Variants in IGF1R observed in about 807,000 individuals in gnomAD.
The protein encoded by IGF1R is insulin like growth factor 1 receptor.
A neutral mutation model predicts 144.6 loss-of-function variants in IGF1R; 44 were observed. The ratio of observed to expected loss-of-function variants is 0.30; its 90% CI spans 0.24 to 0.39. The LOEUF is 0.39. Ranked by LOEUF, IGF1R falls within the 10% of genes least tolerant of loss-of-function variation. IGF1R has a pLI of 1.00. For synonymous variants in IGF1R, 795 were observed against 722.8 expected (o/e 1.10, Z -1.60); for missense variants, 1,355 against 1,833.7 (o/e 0.74, Z 4.77).
rs144722093 is a variant in IGF1R, at chr15:98,721,125, C to T, written c.640+13018C>T. ...GAGCAGACGTTACCTACTGAGGCTA[C>T]GCTCTTCGTGGTTTCTCCTTAACCA... On this transcript the variant is annotated intron_variant, in intron 2 of 20. Coordinates refer to ENST00000650285, the MANE Select transcript of IGF1R (RefSeq NM_000875.5). Among the ~76,000 whole-genome samples, 271 of 152,298 alleles carry T rather than the reference C, an allele frequency of 1.8e-3. 2 individuals are homozygous for T. Among genetic ancestry groups the T allele is most frequent in the African/African-American group, 6.2e-3 (257 of 41,566 alleles).
chr15:98,697,842 A>G (rs1028042323), intron 1 of IGF1R, among the ~76,000 whole-genome samples: 3 of 81,618 alleles, frequency 3.7e-5, no homozygotes, highest in Non-Finnish European at 2.3e-5. Flanking sequence ...GGTTCAGGCG[A>G]TTCTCATGCC....
rs547902723 is a variant in IGF1R, at chr15:98,964,034, C to T, written c.*6592C>T. On this transcript the variant is annotated 3_prime_UTR_variant, in exon 21 of 21. Transcript: ENST00000650285. ...CACACACATCCACCGGTGGAAGAGA[C>T]GCCCGGTGAAAACACCTGTCTGCTT... 17 of 232,930 alleles carry T rather than the reference C, an allele frequency of 7.3e-5. No homozygotes were observed. Among genetic ancestry groups the T allele is most frequent in the Non-Finnish European group, 1.0e-4 (12 of 117,682 alleles). The allele number at this position is 232,930 out of a possible 1,614,324, so 14.4% of individuals were successfully genotyped here.
At chr15:98,888,723 G>C (rs569533615) in intron 2 of IGF1R, among the ~76,000 whole-genome samples, 1 of 152,266 alleles carries the variant, frequency 6.6e-6, no homozygotes, top group Admixed American at 6.5e-5. Context: ...CTTCACTTTA[G>C]AGATAGCTCT....
chr15:98,717,790 G>A (rs1369387973), intron 2 of IGF1R, among the ~76,000 whole-genome samples: 1 of 152,116 alleles, frequency 6.6e-6, no homozygotes. Flanking sequence ...CTGTTTGCAT[G>A]GATAACATTA....
chr15:98,806,565 T>G (rs532007319), intron 2 of IGF1R, among the ~76,000 whole-genome samples: 2 of 152,060 alleles, frequency 1.3e-5, no homozygotes, highest in South Asian at 4.1e-4. Flanking sequence ...AAATATTAAA[T>G]AAACACTTTC....
At chr15:98,800,728 T>C (rs982905103) in intron 2 of IGF1R, among the ~76,000 whole-genome samples, 1 of 152,222 alleles carries the variant, frequency 6.6e-6, no homozygotes, top group African/African-American at 2.4e-5. Context: ...TCTGTTTCAA[T>C]TGTTTCCCTC....
intron 9 of IGF1R, 137 bp from the exon 10 acceptor site, chr15:98,916,535 T>C: frequency 1.2e-6 from 1 of 829,696 alleles, no homozygotes; most frequent in South Asian, 1.4e-5. Flanking sequence ...GTGCTGGGAT[T>C]ATAGCCTTGA....
intron 2 of IGF1R, among the ~76,000 whole-genome samples, chr15:98,834,111 A>G (rs1193001672): frequency 6.6e-6 from 1 of 152,238 alleles, no homozygotes; most frequent in Non-Finnish European, 1.5e-5. Context: ...AAATTAATCC[A>G]TTCTATTGCT....
At chr15:98,798,472 C>T (rs139460857) in intron 2 of IGF1R, among the ~76,000 whole-genome samples, 1 of 152,050 alleles carries the variant, frequency 6.6e-6, no homozygotes, top group East Asian at 1.9e-4. Flanking sequence ...CAGGACCATG[C>T]TGGCAGCTGC....
At chr15:98,820,119 G>C (rs900388828) in intron 2 of IGF1R, among the ~76,000 whole-genome samples, 1 of 152,112 alleles carries the variant, frequency 6.6e-6, no homozygotes, top group African/African-American at 2.4e-5. Context: ...TTCAGAGTGT[G>C]GTTGAAGTTC....
Position 98,707,629 on chromosome 15 carries a change from G to A in IGF1R, c.162G>A (p.Val54=). 1 of 1,614,192 alleles carries A rather than the reference G, an allele frequency of 6.2e-7. No homozygotes were observed. The highest frequency in any genetic ancestry group is 8.5e-7 in the Non-Finnish European group (1 of 1,180,012). ...QQLKRLENCT[V]IEGYLHILLI... is the part of the protein sequence containing the mutation. ...TGAAGCGCCTGGAGAACTGCACGGT[G>A]ATCGAGGGCTACCTCCACATCCTGC... Residue 54 remains valine, a synonymous_variant, in exon 2 of 21, where the codon GTG becomes GTA. Coordinates refer to ENST00000650285, the MANE Select transcript of IGF1R (RefSeq NM_000875.5). The surrounding 1 kb of genome is among the most constrained non-coding windows in gnomAD (Gnocchi z 6.7).
At chr15:98,674,977 ATTTTTTTTTTTTTT>A (rs71149408) in intron 1 of IGF1R, among the ~76,000 whole-genome samples, 8 of 98,906 alleles carry the variant, frequency 8.1e-5, no homozygotes, top group African/African-American at 3.3e-4. Context: ...GTATTTTACA[ATTTTTTTTTTTTTT>A]TTTTTTTTTT....
rs1325197629 is a variant in IGF1R at position 98,878,693 on chromosome 15, AAAC to A, written c.641-12623_641-12621del. On this transcript the variant is annotated intron_variant, in intron 2 of 20. Coordinates refer to ENST00000650285, the MANE Select transcript of IGF1R (RefSeq NM_000875.5). ...AAAAAAAAAAAAAAAAAAAAAAAAA[AAAC>A]AACAACAAAAAAAAGGCCAGGCACG... 4.1e-3 allele frequency among the ~76,000 whole-genome samples: 519 copies of A among 126,000 alleles called. 1 individual carries two copies. Among genetic ancestry groups the A allele is most frequent in the African/African-American group, 8.4e-3 (233 of 27,802 alleles). 82.7% of individuals were successfully genotyped at this position (126,000 alleles called of 152,430 possible). A position where few individuals can be genotyped will look rare whatever the true frequency, so the allele number is the denominator to read the frequency against.
intron 2 of IGF1R, among the ~76,000 whole-genome samples, chr15:98,753,040 A>T (rs1219139392): frequency 1.4e-5 from 2 of 148,108 alleles, no homozygotes; most frequent in African/African-American, 2.5e-5. Context: ...GGTTCAAGCG[A>T]TTCTCCTGCC....
rs1197859379 is a variant in IGF1R at position 98,939,201 on chromosome 15, A to C, written c.3298A>C (p.Asn1100His). The C allele has an allele frequency of 6.2e-7, 1 of 1,613,816 alleles. No individual in the cohort carries two copies. The highest frequency in any genetic ancestry group is 1.1e-5 in the South Asian group (1 of 91,068). The change falls in exon 18 of 21, where the codon AAT (asparagine) becomes CAT (histidine). Residue 1100 changes from asparagine to histidine, a missense_variant and splice_region_variant. Physicochemically the swap from Asn to His is moderately conservative, Grantham distance 68. Transcript: ENST00000650285. ...YLRSLRPEME[N>H]NPVLAPPSLS... ...GTGAATTTTTTTAAATCTCCAACAG[A>C]ATAATCCAGTCCTAGCACCTCCAAG...
chr15:98,837,231 C>G (rs961821986), intron 2 of IGF1R, among the ~76,000 whole-genome samples: 1 of 152,008 alleles, frequency 6.6e-6, no homozygotes, highest in Non-Finnish European at 1.5e-5. Flanking sequence ...TAGTGCCCCA[C>G]CAGTTTTGTT....
At chr15:98,752,926 C>A (rs1180262339) in intron 2 of IGF1R, among the ~76,000 whole-genome samples, 2 of 119,068 alleles carry the variant, frequency 1.7e-5, no homozygotes, top group African/African-American at 3.1e-5. Context: ...GCTGGAAAAT[C>A]ATACTATTTT....
Position 98,649,073 on chromosome 15 carries a change from C to T in IGF1R, c.-509C>T, listed in dbSNP as rs1044470057. ...GGGGAGCCGCTCATTCATTTTGACT[C>T]CGCGTTTCTGCCCCTCGCCGGCCTC... On this transcript the variant is annotated 5_prime_UTR_variant, in exon 1 of 21. Transcript: ENST00000650285. 22 of 219,690 alleles carry T rather than the reference C, an allele frequency of 1.0e-4. No homozygotes were observed. The highest frequency in any genetic ancestry group is 4.8e-4 in the African/African-American group (21 of 44,132). 13.6% of individuals were successfully genotyped at this position (219,690 alleles called of 1,614,324 possible). A position where few individuals can be genotyped will look rare whatever the true frequency, so the allele number is the denominator to read the frequency against.
At chr15:98,684,930 C>CTTTTTTTTTTTTTTTTTTTTTTTTTTTT in intron 1 of IGF1R, among the ~76,000 whole-genome samples, 1 of 113,440 alleles carries the variant, frequency 8.8e-6, no homozygotes, top group Non-Finnish European at 1.8e-5. Flanking sequence ...CTTCCTTTTC[C>CTTTTTTTTTTTTTTTTTTTTTTTTTTTT]TTTTTTTTTT....
Sources: gnomAD v4.1 joint callset for allele counts (sites outside exome capture counted in the v4.1 genomes callset) on GRCh38, gnomAD v4.1.1 for gene constraint, Gnocchi (gnomAD v3.1) non-coding constraint, MANE v1.5 for transcripts, NCBI Gene and HGNC (gene_info 2026-07-23, HGNC 2026-07-21) for gene names.